Variants in PIGK observed in about 807,000 individuals in gnomAD.
PIGK encodes the protein GPI-anchor transamidase.
A neutral mutation model predicts 50.6 loss-of-function variants in PIGK; 42 were observed. The observed-to-expected ratio is 0.83, with a 90% CI of 0.65 to 1.07. PIGK has a LOEUF of 1.07. Among genes scored for constraint, PIGK ranks in the 50% least tolerant of loss-of-function variants. The pLI, the probability that PIGK is intolerant of heterozygous loss-of-function variation, is 0.00. For synonymous variants in PIGK, 151 were observed against 156.0 expected (o/e 0.97, Z 0.24); for missense variants, 448 against 488.7 (o/e 0.92, Z 0.78).
intron 10 of PIGK, among the ~76,000 whole-genome samples, chr1:77,096,362 C>T (rs569406929): frequency 8.5e-5 from 13 of 152,248 alleles, no homozygotes; most frequent in African/African-American, 2.9e-4. Flanking sequence ...AAGCTGTCAG[C>T]AAGAGGTAGA....
At chr1:77,169,028 A>G (rs1460747313) in intron 4 of PIGK, among the ~76,000 whole-genome samples, 1 of 152,142 alleles carries the variant, frequency 6.6e-6, no homozygotes. Context: ...TAATACTCTA[A>G]CATTGAAGCC....
In PIGK at chr1:77,161,565, C is replaced by A. The variant is rs200300003; in HGVS notation, c.702+29G>T. The A allele has an allele frequency of 2.8e-6, 3 of 1,056,738 alleles. No homozygotes were observed. In the East Asian group the frequency reaches 7.1e-5, roughly 25 times the overall value. 65.5% of individuals were successfully genotyped at this position (1,056,738 alleles called of 1,614,324 possible). On this transcript the variant is annotated intron_variant, in intron 7 of 10. Coordinates refer to ENST00000370812, the MANE Select transcript of PIGK (RefSeq NM_005482.3). ...GAAATAGCTGCACATTCCAAAGACA[C>A]AGTTTACAAATGGGGAAAATGCACA...
chr1:77,216,183 T>C (rs1021083482), intron 1 of PIGK, among the ~76,000 whole-genome samples: 5 of 152,186 alleles, frequency 3.3e-5, no homozygotes, highest in Non-Finnish European at 1.5e-5. Context: ...TGAATATGTC[T>C]GAAAATATCA....
Position 77,122,036 on chromosome 1 carries a change from T to C in PIGK, c.1071+239A>G, listed in dbSNP as rs1654109016. On this transcript the variant is annotated intron_variant, in intron 10 of 10. Coordinates refer to ENST00000370812, the MANE Select transcript of PIGK (RefSeq NM_005482.3). ...TAATTAAATAATGCACAAAAGATAATCCTTATTTTATCCCATATTTTATGT... is the reference window on the plus strand; with the variant it reads ...TAATTAAATAATGCACAAAAGATAACCCTTATTTTATCCCATATTTTATGT... Among the ~76,000 whole-genome samples the C allele has an allele frequency of 5.3e-5, 8 of 152,304 alleles. No homozygotes were observed. In the South Asian group the frequency reaches 1.7e-3, roughly 32 times the overall value.
chr1:77,121,275 G>C (rs1182403378), intron 10 of PIGK, among the ~76,000 whole-genome samples: 1 of 152,110 alleles, frequency 6.6e-6, no homozygotes, highest in Non-Finnish European at 1.5e-5. Flanking sequence ...CAACACTAGG[G>C]AATTCCTGAC....
chr1:77,213,803 A>G (rs1182055670), intron 1 of PIGK, among the ~76,000 whole-genome samples: 3 of 152,180 alleles, frequency 2.0e-5, no homozygotes, highest in Non-Finnish European at 4.4e-5. Context: ...TAGCCAAACT[A>G]AGAAAAAGAG....
chr1:77,210,579 AGTTG>A, intron 1 of PIGK, 90 bp from the exon 2 acceptor site: 1 of 700,506 alleles, frequency 1.4e-6, no homozygotes, highest in Non-Finnish European at 2.4e-6. Context: ...TAGTTTTTAC[AGTTG>A]TAATAACAAT....
chr1:77,134,806 A>G (rs1044252600), intron 9 of PIGK, among the ~76,000 whole-genome samples: 1 of 152,164 alleles, frequency 6.6e-6, no homozygotes, highest in Admixed American at 6.5e-5. Context: ...GAAATTGTAC[A>G]CTACTACTTT....
chr1:77,140,739 G>A (rs971499281), intron 9 of PIGK, among the ~76,000 whole-genome samples: 6 of 152,052 alleles, frequency 3.9e-5, no homozygotes, highest in Non-Finnish European at 5.9e-5. Context: ...AACCATACAA[G>A]ATTAATTTTA....
At chr1:77,122,586 T>C (rs902238561) in intron 9 of PIGK, among the ~76,000 whole-genome samples, 7 of 152,324 alleles carry the variant, frequency 4.6e-5, no homozygotes, top group African/African-American at 1.4e-4. Flanking sequence ...CTAGCATCAC[T>C]TAATGTTCTC....
intron 3 of PIGK, among the ~76,000 whole-genome samples, chr1:77,182,405 TAAGGGTGGGTCTG>T (rs1292577454): frequency 2.6e-5 from 4 of 152,244 alleles, no homozygotes; most frequent in African/African-American, 9.6e-5. Context: ...CCACCCAGAT[TAAGGGTGGGTCTG>T]CCTTTCCCAG....
At chr1:77,153,364 G>A (rs970468854) in intron 9 of PIGK, among the ~76,000 whole-genome samples, 1 of 152,006 alleles carries the variant, frequency 6.6e-6, no homozygotes, top group Non-Finnish European at 1.5e-5. Flanking sequence ...TGTTTGGGAG[G>A]AGAATGAAGA....
At chr1:77,137,232 T>C (rs1194085591) in intron 9 of PIGK, among the ~76,000 whole-genome samples, 1 of 152,146 alleles carries the variant, frequency 6.6e-6, no homozygotes, top group Non-Finnish European at 1.5e-5. Flanking sequence ...TGAGATAGTA[T>C]AGCCAAAATC....
At chr1:77,113,912 C>T (rs1653908563) in intron 10 of PIGK, among the ~76,000 whole-genome samples, 1 of 152,080 alleles carries the variant, frequency 6.6e-6, no homozygotes, top group Admixed American at 6.6e-5. Context: ...CTCTACATGT[C>T]TTAAACCCTC....
At chr1:77,217,180 T>C (rs529365889) in intron 1 of PIGK, among the ~76,000 whole-genome samples, 2 of 152,272 alleles carry the variant, frequency 1.3e-5, no homozygotes, top group African/African-American at 4.8e-5. Flanking sequence ...AAAATAGCCA[T>C]AGTACTGCCT....
intron 9 of PIGK, chr1:77,153,698 T>C (rs778910577): frequency 2.0e-5 from 3 of 152,146 alleles, no homozygotes; most frequent in Non-Finnish European, 4.4e-5. Context: ...TTTGAATTTA[T>C]TCCTACAACA....
chr1:77,199,709 G>A (rs1232616598), intron 3 of PIGK, among the ~76,000 whole-genome samples: 1 of 151,782 alleles, frequency 6.6e-6, no homozygotes, highest in African/African-American at 2.4e-5. Flanking sequence ...GGAAACAAAG[G>A]AACAAAAGAT....
At chr1:77,103,754 C>T (rs1173814017) in intron 10 of PIGK, among the ~76,000 whole-genome samples, 2 of 152,064 alleles carry the variant, frequency 1.3e-5, no homozygotes, top group African/African-American at 2.4e-5. Context: ...GAGGGAGCTG[C>T]ACAGAAAGAA....
intron 3 of PIGK, among the ~76,000 whole-genome samples, chr1:77,181,297 C>T (rs545167180): frequency 5.1e-4 from 78 of 151,950 alleles, no homozygotes; most frequent in African/African-American, 1.2e-3. Flanking sequence ...AACTAGTGAC[C>T]GGTAGGTAAA....
Sources: allele counts gnomAD v4.1 joint callset (sites outside exome capture counted in the v4.1 genomes callset), GRCh38; gene constraint gnomAD v4.1.1; transcripts MANE v1.5; gene names NCBI Gene and HGNC (gene_info 2026-07-23, HGNC 2026-07-21).